The following ZNF385A variants were observed in gnomAD, a reference collection of about 807,000 sequenced individuals.
The protein encoded by ZNF385A is hematopoietic zinc finger protein.
A neutral mutation model predicts 32.1 loss-of-function variants in ZNF385A; 14 were observed. The ratio of observed to expected loss-of-function variants is 0.44; its 90% CI spans 0.29 to 0.68. The LOEUF is 0.68. Ranked by LOEUF, ZNF385A falls within the 30% of genes least tolerant of loss-of-function variation. The pLI is 0.14. For missense variants in ZNF385A, 406 were observed against 478.4 expected (o/e 0.85, Z 1.41); for synonymous variants, 197 against 202.7 (o/e 0.97, Z 0.24).
At position 54,370,835 on chromosome 12, in the gene ZNF385A, C is replaced by A; in HGVS notation, c.774+92G>T. The A allele has an allele frequency of 6.2e-7, 1 of 1,604,258 alleles. No homozygotes were observed. The highest frequency in any genetic ancestry group is 8.5e-7 in the Non-Finnish European group (1 of 1,175,002). On this transcript the variant is annotated intron_variant, in intron 5 of 6. Coordinates refer to ENST00000394313, the MANE Select transcript of ZNF385A (RefSeq NM_015481.3). This position sits in a 1 kb window ranked among gnomAD's most constrained non-coding sequence, Gnocchi z 5.5. Reference sequence around the variant, plus strand: ...CCCATCTGGCCCCCTGGGGAAAACTCTGAAGAAGGGCCTTTACTCAAGCTC... The same window carrying A: ...CCCATCTGGCCCCCTGGGGAAAACTATGAAGAAGGGCCTTTACTCAAGCTC...
intron 1 of ZNF385A, 39 bp from the exon 2 acceptor site, chr12:54,375,993 C>T: frequency 6.5e-7 from 1 of 1,526,946 alleles, no homozygotes; most frequent in African/African-American, 1.4e-5. Context: ...AACCCTAGCG[C>T]AACTCATGTC....
upstream of ZNF385A, among the ~76,000 whole-genome samples, chr12:54,386,113 G>A (rs1242127669): frequency 2.6e-5 from 4 of 151,834 alleles, no homozygotes; most frequent in Admixed American, 2.6e-4. Flanking sequence ...CTGGGGGTCT[G>A]TATGCTTTGT....
chr12:54,370,027 G>A lies in ZNF385A; in HGVS notation c.*229C>T, dbSNP rs1004354899. ...TGAGACGGCCCCCCCTTTTCTAGGG[G>A]AGAGGGAAAGGCAGGGGGCGGGGTT... On this transcript the variant is annotated 3_prime_UTR_variant, in exon 7 of 7. Transcript: ENST00000394313. This position sits in a 1 kb window ranked among gnomAD's most constrained non-coding sequence, Gnocchi z 5.5. 27 of 416,626 alleles carry A rather than the reference G, an allele frequency of 6.5e-5. No individual in the cohort carries two copies. Among genetic ancestry groups the A allele is most frequent in the African/African-American group, 4.7e-4 (23 of 48,676 alleles). 25.8% of individuals were successfully genotyped at this position (416,626 alleles called of 1,614,324 possible). A position where few individuals can be genotyped will look rare whatever the true frequency, so the allele number is the denominator to read the frequency against.
chr12:54,390,397 G>C (rs1041771104), intron 1 of ZNF385A, among the ~76,000 whole-genome samples: 1 of 152,030 alleles, frequency 6.6e-6, no homozygotes, highest in Non-Finnish European at 1.5e-5. Context: ...TGTGGCTGAC[G>C]GGCTGTCAGA....
At chr12:54,391,078 G>A (rs1441360540) in intron 1 of ZNF385A, among the ~76,000 whole-genome samples, 1 of 152,160 alleles carries the variant, frequency 6.6e-6, no homozygotes, top group African/African-American at 2.4e-5. Context: ...GGGAAGAGGG[G>A]ACCCCAGATG....
upstream of ZNF385A, chr12:54,385,004 T>C: frequency 1.5e-6 from 1 of 653,720 alleles, no homozygotes; most frequent in Non-Finnish European, 1.9e-6. Context: ...TGATTCATCC[T>C]ACTGACCAGA....
At chr12:54,378,942 C>T (rs1348686370) in intron 1 of ZNF385A, 2 of 570,086 alleles carry the variant, frequency 3.5e-6, no homozygotes, top group Non-Finnish European at 4.4e-6. Context: ...GGGGATGGGC[C>T]GGACAGCCCG....
At chr12:54,387,678 T>C (rs1265552878), upstream of ZNF385A, among the ~76,000 whole-genome samples, 1 of 152,208 alleles carries the variant, frequency 6.6e-6, no homozygotes. Flanking sequence ...CCTCACCAAG[T>C]TGTTGACAGG....
chr12:54,369,629 C>A lies in ZNF385A; in HGVS notation c.*627G>T, dbSNP rs903902025. 1 of 152,862 alleles carries A rather than the reference C, an allele frequency of 6.5e-6. No individual in the cohort carries two copies. Among genetic ancestry groups the A allele is most frequent in the South Asian group, 2.1e-4 (1 of 4,836 alleles). The allele number at this position is 152,862 out of a possible 1,614,324, so 9.5% of individuals were successfully genotyped here. A position where few individuals can be genotyped will look rare whatever the true frequency, so the allele number is the denominator to read the frequency against. On this transcript the variant is annotated 3_prime_UTR_variant, in exon 7 of 7. Transcript: ENST00000394313. ...GAGGGAAAGGTCTATGGTGGCATCTCCTTGGTCCCACCCAAGTGCCGGAGA... is the reference window on the plus strand; with the variant it reads ...GAGGGAAAGGTCTATGGTGGCATCTACTTGGTCCCACCCAAGTGCCGGAGA...
At position 54,370,373 on chromosome 12, in the gene ZNF385A, C is replaced by A. The variant is rs1954454932; in HGVS notation, c.984G>T (p.Leu328=). The A allele has an allele frequency of 6.6e-7, 1 of 1,515,768 alleles. No individual in the cohort carries two copies. The highest frequency in any genetic ancestry group is 8.8e-7 in the Non-Finnish European group (1 of 1,130,412). 93.9% of individuals were successfully genotyped at this position (1,515,768 alleles called of 1,614,324 possible). A position where few individuals can be genotyped will look rare whatever the true frequency, so the allele number is the denominator to read the frequency against. The change falls in exon 7 of 7, where the codon CTG becomes CTT. Residue 328 remains leucine, a synonymous_variant. Coordinates refer to ENST00000394313, the MANE Select transcript of ZNF385A (RefSeq NM_015481.3). This position sits in a 1 kb window ranked among gnomAD's most constrained non-coding sequence, Gnocchi z 5.5. ...MAAAAGSPLS[L]RPAPAAPLLQ... ...GAAGAGGTGCGGCTGGAGCCGGGCG[C>A]AGGGACAGCGGCGAGCCTGCTGCCG...
chr12:54,391,196 C>T (rs1955631989), intron 1 of ZNF385A: 1 of 1,473,208 alleles, frequency 6.8e-7, no homozygotes. Context: ...CAGAGAGGAA[C>T]CCAGGAGCCG....
chr12:54,377,321 A>C (rs557231403), intron 1 of ZNF385A, among the ~76,000 whole-genome samples: 2 of 152,292 alleles, frequency 1.3e-5, no homozygotes, highest in Admixed American at 1.3e-4. Flanking sequence ...GACAAGTGTC[A>C]ATCTCTTGGC....
At chr12:54,380,532 A>C (rs1187910234) in intron 1 of ZNF385A, among the ~76,000 whole-genome samples, 1 of 152,160 alleles carries the variant, frequency 6.6e-6, no homozygotes, top group Non-Finnish European at 1.5e-5. Flanking sequence ...CCCCTGCAGA[A>C]TTTGACAGTA....
At chr12:54,380,204 G>A (rs1480554492) in intron 1 of ZNF385A, among the ~76,000 whole-genome samples, 1 of 152,214 alleles carries the variant, frequency 6.6e-6, no homozygotes, top group East Asian at 1.9e-4. Flanking sequence ...ACTCTGTCAT[G>A]AATAATAATA....
rs1385237071 is a variant in ZNF385A, at chr12:54,370,923, C to A, written c.774+4G>T. ...AGAATTCCTGGGAAGGGCCTTAGAC[C>A]CACCTGTTTCAGTTGGACCTCCGAG... On this transcript the variant is annotated splice_donor_region_variant and intron_variant, in intron 5 of 6. Coordinates refer to ENST00000394313, the MANE Select transcript of ZNF385A (RefSeq NM_015481.3). The surrounding 1 kb of genome is among the most constrained non-coding windows in gnomAD (Gnocchi z 5.5). The A allele has an allele frequency of 6.2e-7, 1 of 1,614,210 alleles. No homozygotes were observed. The highest frequency in any genetic ancestry group is 1.1e-5 in the South Asian group (1 of 91,080).
At chr12:54,379,313 A>G in intron 1 of ZNF385A, 1 of 470,454 alleles carries the variant, frequency 2.1e-6, no homozygotes, top group Non-Finnish European at 2.8e-6. Context: ...CTGAAGAGGA[A>G]TGAAAGGGGG....
intron 2 of ZNF385A, among the ~76,000 whole-genome samples, chr12:54,374,415 G>C (rs1457194770): frequency 6.6e-6 from 1 of 151,878 alleles, no homozygotes; most frequent in East Asian, 1.9e-4. Context: ...CCCCCACCTA[G>C]TCCTGGTAGA....
In ZNF385A at chr12:54,374,048, C is replaced by T. The variant is rs372987947; in HGVS notation, c.286G>A (p.Gly96Ser). 7 of 1,601,652 alleles carry T rather than the reference C, an allele frequency of 4.4e-6. No homozygotes were observed. In the African/African-American group the frequency reaches 8.0e-5, roughly 18 times the overall value. ...GCTGGGTCTCCAGGTTCTCGGACGC[C>T]AGGCTCCCTGCCTCTGGTCTTGGCA... ...EAAKTRGREP[G>S]VREPGDPAPP... Residue 96 changes from glycine to serine, a missense_variant, in exon 3 of 7, where the codon GGC becomes AGC. Coordinates refer to ENST00000394313, the MANE Select transcript of ZNF385A (RefSeq NM_015481.3).
intron 1 of ZNF385A, among the ~76,000 whole-genome samples, chr12:54,379,767 C>T (rs1056786926): frequency 6.6e-6 from 1 of 152,184 alleles, no homozygotes. Flanking sequence ...CTAACTTCTT[C>T]CCACCTCCTA....
Sources: allele counts gnomAD v4.1 joint callset (sites outside exome capture counted in the v4.1 genomes callset), GRCh38; gene constraint gnomAD v4.1.1; non-coding constraint Gnocchi (gnomAD v3.1); transcripts MANE v1.5; gene names NCBI Gene and HGNC (gene_info 2026-07-23, HGNC 2026-07-21).